Variants in PTPRK observed in about 807,000 individuals in gnomAD.
The protein encoded by PTPRK is receptor-type tyrosine-protein phosphatase kappa.
In PTPRK, 75 loss-of-function variants were observed where a neutral mutation model predicts 178.0. The ratio of observed to expected loss-of-function variants is 0.42; its 90% CI spans 0.35 to 0.51. The LOEUF (loss-of-function observed/expected upper bound fraction) is 0.51, where lower values mean the gene tolerates loss of function less well. Among genes scored for constraint, PTPRK ranks in the 20% least tolerant of loss-of-function variants. PTPRK has a pLI of 0.02. For synonymous variants in PTPRK, 637 were observed against 620.6 expected (o/e 1.03, Z -0.39); for missense variants, 1,441 against 1,797.8 (o/e 0.80, Z 3.59).
intron 13 of PTPRK, among the ~76,000 whole-genome samples, chr6:128,063,861 T>C (rs1427551666): frequency 6.6e-6 from 1 of 152,098 alleles, no homozygotes; most frequent in African/African-American, 2.4e-5. Flanking sequence ...TGGAGAAAAC[T>C]GATGAAAGGA....
intron 25 of PTPRK, among the ~76,000 whole-genome samples, chr6:127,977,915 T>C (rs569720867): frequency 1.4e-4 from 21 of 152,180 alleles, no homozygotes; most frequent in Admixed American, 2.6e-4. Flanking sequence ...AATTAGTAGA[T>C]TATAGAGTTC....
At chr6:128,399,474 C>G (rs960904240) in intron 1 of PTPRK, among the ~76,000 whole-genome samples, 1 of 152,114 alleles carries the variant, frequency 6.6e-6, no homozygotes, top group East Asian at 1.9e-4. Flanking sequence ...TTAAAATAGA[C>G]CTTTTATAAA....
At position 128,519,048 on chromosome 6, in the gene PTPRK, CT is replaced by C; in HGVS notation, c.100+1210del. 1.9e-6 allele frequency: 1 copy of C among 532,060 alleles called. No homozygotes were observed. The highest frequency in any genetic ancestry group is 1.4e-5 in the South Asian group (1 of 71,006). 33.0% of individuals were successfully genotyped at this position (532,060 alleles called of 1,614,324 possible). ...GCTTCAGCCAGGAGCGTGGCTGTCG[CT>C]TTTCCCGTCTTCTCCATCACCCTCT... On this transcript the variant is annotated intron_variant, in intron 1 of 29. Coordinates refer to ENST00000368226, the MANE Select transcript of PTPRK (RefSeq NM_002844.4). This position sits in a 1 kb window ranked among gnomAD's most constrained non-coding sequence, Gnocchi z 4.3.
At chr6:128,322,336 G>C in intron 2 of PTPRK, 26 bp from the exon 3 acceptor site, 1 of 1,525,018 alleles carries the variant, frequency 6.6e-7, no homozygotes. Context: ...AAATAATAAT[G>C]CTAAAGAGAT....
intron 7 of PTPRK, among the ~76,000 whole-genome samples, chr6:128,110,776 T>C (rs982326062): frequency 1.3e-5 from 2 of 152,060 alleles, no homozygotes; most frequent in African/African-American, 4.8e-5. Context: ...AAATGAGGAA[T>C]GAATGCAAGA....
At chr6:128,350,699 G>A (rs749487630) in intron 2 of PTPRK, among the ~76,000 whole-genome samples, 25 of 152,158 alleles carry the variant, frequency 1.6e-4, no homozygotes, top group Non-Finnish European at 3.1e-4. Flanking sequence ...TGCAAACACT[G>A]GGCCTATACG....
chr6:128,312,005 A>T (rs966223657), intron 3 of PTPRK, among the ~76,000 whole-genome samples: 1 of 152,182 alleles, frequency 6.6e-6, no homozygotes, highest in Non-Finnish European at 1.5e-5. Flanking sequence ...ATGGCAAAAA[A>T]TCCATTTTTA....
chr6:128,375,211 A>T (rs576935727), intron 2 of PTPRK, among the ~76,000 whole-genome samples: 62 of 151,722 alleles, frequency 4.1e-4, no homozygotes, highest in Admixed American at 8.5e-4. Flanking sequence ...CACAAACTGT[A>T]TAAGTTTGTT....
chr6:128,383,692 C>T (rs1284246837), intron 2 of PTPRK, among the ~76,000 whole-genome samples: 1 of 152,130 alleles, frequency 6.6e-6, no homozygotes, highest in Admixed American at 6.6e-5. Flanking sequence ...AAACACAGTG[C>T]TAAACTGCAC....
chr6:128,068,668 T>C (rs563463115), intron 11 of PTPRK, among the ~76,000 whole-genome samples: 3 of 151,850 alleles, frequency 2.0e-5, no homozygotes, highest in South Asian at 4.1e-4. Flanking sequence ...TCTTTTTTAG[T>C]AGAAAATTCT....
intron 6 of PTPRK, among the ~76,000 whole-genome samples, chr6:128,209,100 T>C (rs1193000135): frequency 2.6e-5 from 4 of 152,028 alleles, no homozygotes; most frequent in East Asian, 1.9e-4. Flanking sequence ...GGAACACTTA[T>C]CACTTATCAT....
At position 127,977,067 on chromosome 6, in the gene PTPRK, A is replaced by G; in HGVS notation, c.3712-13T>C. 1 of 1,612,738 alleles carries G rather than the reference A, an allele frequency of 6.2e-7. No individual in the cohort carries two copies. Among genetic ancestry groups the G allele is most frequent in the Non-Finnish European group, 8.5e-7 (1 of 1,178,822 alleles). ...GTTGCCTGTAGCTCTGTGAAGAAAC[A>G]AGGTAGATGGAGAAATATAAAAACT... On this transcript the variant is annotated splice_polypyrimidine_tract_variant and intron_variant, in intron 25 of 29. Coordinates refer to ENST00000368226, the MANE Select transcript of PTPRK (RefSeq NM_002844.4).
chr6:128,438,236 T>C (rs1845855373), intron 1 of PTPRK, among the ~76,000 whole-genome samples: 1 of 152,194 alleles, frequency 6.6e-6, no homozygotes, highest in South Asian at 2.1e-4. Flanking sequence ...CTGACATCTC[T>C]ACCTCTGCTA....
Position 128,515,506 on chromosome 6 carries a change from A to C in PTPRK, c.100+4753T>G, listed in dbSNP as rs1324487055. ...TGAAGAAGGAACACAGACCAGATAC[A>C]TATGATCAAAGTGTAAAGACTGAGA... is the stretch of plus-strand genomic sequence containing the variant. On this transcript the variant is annotated intron_variant, in intron 1 of 29. Coordinates refer to ENST00000368226, the MANE Select transcript of PTPRK (RefSeq NM_002844.4). Among the ~76,000 whole-genome samples, 2 of 152,196 alleles carry C rather than the reference A, an allele frequency of 1.3e-5. 1 individual carries two copies. Among genetic ancestry groups the C allele is most frequent in the Non-Finnish European group, 2.9e-5 (2 of 68,040 alleles).
intron 13 of PTPRK, among the ~76,000 whole-genome samples, chr6:128,022,000 C>T (rs1160724882): frequency 6.6e-6 from 1 of 152,134 alleles, no homozygotes; most frequent in South Asian, 2.1e-4. Context: ...AGGGTACATA[C>T]CAGCGCCTAT....
At chr6:128,307,383 T>TAGA (rs904575267) in intron 3 of PTPRK, among the ~76,000 whole-genome samples, 1 of 150,744 alleles carries the variant, frequency 6.6e-6, no homozygotes, top group Non-Finnish European at 1.5e-5. Flanking sequence ...ATAAAATTTT[T>TAGA]AGAAGAAATA....
chr6:128,261,030 T>C (rs961731012), intron 3 of PTPRK, among the ~76,000 whole-genome samples: 1 of 152,116 alleles, frequency 6.6e-6, no homozygotes. Flanking sequence ...ATAGCAATAG[T>C]TTCTGTTTTA....
chr6:128,329,374 T>C (rs1829977047), intron 2 of PTPRK, among the ~76,000 whole-genome samples: 1 of 98,996 alleles, frequency 1.0e-5, no homozygotes, highest in South Asian at 4.2e-4. Flanking sequence ...AAAAGGAATA[T>C]ATAGATAAAC....
chr6:128,047,771 T>G (rs1221312467), intron 13 of PTPRK, among the ~76,000 whole-genome samples: 1 of 152,154 alleles, frequency 6.6e-6, no homozygotes, highest in Non-Finnish European at 1.5e-5. Context: ...AAATAAAAAC[T>G]TAATATCAGT....
Sources: allele counts gnomAD v4.1 joint callset (sites outside exome capture counted in the v4.1 genomes callset), GRCh38; gene constraint gnomAD v4.1.1; non-coding constraint Gnocchi (gnomAD v3.1); transcripts MANE v1.5; gene names NCBI Gene and HGNC (gene_info 2026-07-23, HGNC 2026-07-21).